EXOC6: variants seen among roughly 807,000 people sequenced by gnomAD.
EXOC6 encodes the protein exocyst complex component 6.
In EXOC6, 60 loss-of-function variants were observed where a neutral mutation model predicts 112.5. The observed-to-expected ratio is 0.53, with a 90% CI of 0.43 to 0.66. The LOEUF (loss-of-function observed/expected upper bound fraction) is 0.66, where lower values mean the gene tolerates loss of function less well. Among genes scored for constraint, EXOC6 ranks in the 30% least tolerant of loss-of-function variants. The probability of loss-of-function intolerance (pLI) is 0.00; values close to 1 mark genes in which losing one functional copy is unlikely to be tolerated. For missense variants in EXOC6, 855 were observed against 957.1 expected (o/e 0.89, Z 1.41); for synonymous variants, 295 against 308.0 (o/e 0.96, Z 0.44).
At chr10:92,887,337 T>C (rs1849272506) in intron 1 of EXOC6, among the ~76,000 whole-genome samples, 1 of 152,092 alleles carries the variant, frequency 6.6e-6, no homozygotes, top group African/African-American at 2.4e-5. Context: ...TTAATATTAC[T>C]TTTTATCAAC....
At chr10:92,884,351 T>A (rs2133779730) in intron 1 of EXOC6, among the ~76,000 whole-genome samples, 1 of 152,310 alleles carries the variant, frequency 6.6e-6, no homozygotes, top group Non-Finnish European at 1.5e-5. Context: ...CTAGTTTTTG[T>A]TTTTTCTTAA....
chr10:92,927,940 A>C (rs925236229), intron 8 of EXOC6, among the ~76,000 whole-genome samples: 6 of 152,194 alleles, frequency 3.9e-5, no homozygotes, highest in Admixed American at 2.0e-4. Context: ...GTAGCAAGAG[A>C]TGAGGCAGGG....
At chr10:92,912,381 A>G (rs2133881971) in intron 6 of EXOC6, among the ~76,000 whole-genome samples, 1 of 152,198 alleles carries the variant, frequency 6.6e-6, no homozygotes, top group African/African-American at 2.4e-5. Context: ...CACACAAGAT[A>G]GTGAAAGCTG....
At chr10:93,047,352 C>T (rs1407288414) in intron 20 of EXOC6, among the ~76,000 whole-genome samples, 2 of 151,364 alleles carry the variant, frequency 1.3e-5, no homozygotes, top group African/African-American at 2.4e-5. Flanking sequence ...GCCTGGCCAA[C>T]GTGTGAAACG....
chr10:93,057,811 T>A (rs932857319), intron 21 of EXOC6, among the ~76,000 whole-genome samples: 7 of 152,192 alleles, frequency 4.6e-5, no homozygotes, highest in African/African-American at 1.4e-4. Context: ...TATTTTACAA[T>A]GCCATGAAAT....
In EXOC6 at chr10:92,955,685, A is replaced by G. The variant is rs1853653283; in HGVS notation, c.1744A>G (p.Thr582Ala). 4 of 1,611,754 alleles carry G rather than the reference A, an allele frequency of 2.5e-6. No homozygotes were observed. Among genetic ancestry groups the G allele is most frequent in the Non-Finnish European group, 3.4e-6 (4 of 1,178,974 alleles). Residue 582 changes from threonine (T) to alanine (A), a missense_variant, in exon 17 of 22, where the codon ACA (threonine) becomes GCA (alanine). Transcript: ENST00000260762. ...TATTTCCCAAGAAACTGTTCATACT[A>G]CAAGACTTTATGGACTTTCTACTTT... ...TNISQETVHT[T>A]RLYGLSTFKD...
chr10:93,022,421 G>A (rs1457852121), intron 20 of EXOC6, among the ~76,000 whole-genome samples: 1 of 151,966 alleles, frequency 6.6e-6, no homozygotes, highest in African/African-American at 2.4e-5. Context: ...GAAAATTTTG[G>A]GTGAGTTATT....
intron 14 of EXOC6, among the ~76,000 whole-genome samples, chr10:92,951,474 C>CA (rs1220053376): frequency 6.6e-6 from 1 of 151,924 alleles, no homozygotes; most frequent in Non-Finnish European, 1.5e-5. Flanking sequence ...TCAGATTTTT[C>CA]AAAAAAGTCA....
chr10:92,937,698 T>G lies in EXOC6; in HGVS notation c.1212+1813T>G, dbSNP rs554289476. Among the ~76,000 whole-genome samples the G allele has an allele frequency of 9.8e-5, 15 of 152,304 alleles. No individual in the cohort carries two copies. The East Asian group carries it at 2.9e-3, about 29-fold the overall frequency. On this transcript the variant is annotated intron_variant, in intron 12 of 21. Transcript: ENST00000260762. ...GCTGCAAGAAAACTTTTGGGAAGTT[T>G]TATTTGGGGCTGTCCAAATTTTGGG... is the stretch of plus-strand genomic sequence containing the variant.
intron 18 of EXOC6, among the ~76,000 whole-genome samples, chr10:92,981,028 CAAAATA>C (rs1274024753): frequency 6.6e-6 from 1 of 151,932 alleles, no homozygotes; most frequent in Non-Finnish European, 1.5e-5. Context: ...CTCTGTCTTA[CAAAATA>C]AAAATAAAAA....
intron 13 of EXOC6, among the ~76,000 whole-genome samples, chr10:92,947,659 C>T (rs112755513): frequency 2.0e-5 from 3 of 152,182 alleles, no homozygotes; most frequent in Admixed American, 6.5e-5. Context: ...CCTGTAATCT[C>T]AGCACTTTAG....
Position 92,841,370 on chromosome 10 carries a change from T to C in EXOC6, c.86+6546T>C, listed in dbSNP as rs374119931. Among the ~76,000 whole-genome samples the C allele has an allele frequency of 2.0e-5, 3 of 152,360 alleles. No individual in the cohort carries two copies. In the East Asian group the frequency reaches 5.8e-4, roughly 29 times the overall value. On this transcript the variant is annotated intron_variant, in intron 1 of 21. Transcript: ENST00000371552. ...TGTAAATTTTATTTTGGTTGCATTA[T>C]ATGCAGGGGAGAGAGGTGTCAATTT...
intron 20 of EXOC6, among the ~76,000 whole-genome samples, chr10:93,052,420 C>G (rs1439870171): frequency 6.6e-6 from 1 of 152,174 alleles, no homozygotes; most frequent in Non-Finnish European, 1.5e-5. Context: ...ATGGGACCAC[C>G]CATGTAACAC....
At chr10:92,969,993 C>T (rs796189025) in intron 17 of EXOC6, among the ~76,000 whole-genome samples, 26 of 152,266 alleles carry the variant, frequency 1.7e-4, no homozygotes, top group African/African-American at 6.0e-4. Flanking sequence ...CGCACCTGGT[C>T]GACTATTGTA....
intron 5 of EXOC6, chr10:92,901,213 A>G (rs777611938): frequency 6.6e-6 from 1 of 151,874 alleles, no homozygotes; most frequent in Non-Finnish European, 1.5e-5. Context: ...GAAAAGGTAT[A>G]TTTTTCTCTT....
At chr10:92,889,994 G>A (rs958252584) in intron 1 of EXOC6, among the ~76,000 whole-genome samples, 2 of 152,054 alleles carry the variant, frequency 1.3e-5, no homozygotes, top group Non-Finnish European at 2.9e-5. Context: ...TCAGTTTATC[G>A]ATGTCTGCAA....
intron 19 of EXOC6, among the ~76,000 whole-genome samples, chr10:93,006,492 A>G (rs1269939428): frequency 6.6e-6 from 1 of 152,210 alleles, no homozygotes. Context: ...TTATATAAAA[A>G]TGAGGTGATG....
intron 1 of EXOC6, among the ~76,000 whole-genome samples, chr10:92,856,835 C>G (rs983506797): frequency 6.6e-6 from 1 of 152,072 alleles, no homozygotes; most frequent in African/African-American, 2.4e-5. Context: ...TATGTTTATA[C>G]TTTATATATT....
chr10:92,876,764 C>A (rs2133749299), intron 1 of EXOC6, among the ~76,000 whole-genome samples: 1 of 152,276 alleles, frequency 6.6e-6, no homozygotes, highest in African/African-American at 2.4e-5. Context: ...TGAGACCAAT[C>A]TCCAGTTCAT....
Sources: allele counts gnomAD v4.1 joint callset (sites outside exome capture counted in the v4.1 genomes callset), GRCh38; gene constraint gnomAD v4.1.1; transcripts MANE v1.5; gene names NCBI Gene and HGNC (gene_info 2026-07-23, HGNC 2026-07-21).